Variants in CRACDL observed in about 807,000 individuals in gnomAD.
CRACDL encodes the protein CRACD like, also known as CRACD-like protein.
CRACDL carries 26 observed loss-of-function variants against 70.6 expected under a neutral mutation model. The observed-to-expected ratio is 0.37, with a 90% CI of 0.27 to 0.51. The LOEUF (loss-of-function observed/expected upper bound fraction) is 0.51, where lower values mean the gene tolerates loss of function less well. CRACDL is among the 20% of genes least tolerant of loss of function. The probability of loss-of-function intolerance (pLI) is 0.94; values close to 1 mark genes in which losing one functional copy is unlikely to be tolerated. For synonymous variants in CRACDL, 618 were observed against 615.2 expected, an observed-to-expected ratio of 1.00 and a Z score of -0.07; for missense variants, 1,283 against 1,376.9, an observed-to-expected ratio of 0.93 and a Z score of 1.08.
At position 98,794,387 on chromosome 2, in the gene CRACDL, G is replaced by A. The variant is rs528209887; in HGVS notation, c.*145C>T. The A allele has an allele frequency of 1.4e-6, 1 of 724,518 alleles. No individual in the cohort carries two copies. The highest frequency in any genetic ancestry group is 1.7e-5 in the African/African-American group (1 of 57,282). The allele number at this position is 724,518 out of a possible 1,614,324, so 44.9% of individuals were successfully genotyped here. A position where few individuals can be genotyped will look rare whatever the true frequency, so the allele number is the denominator to read the frequency against. On this transcript the variant is annotated 3_prime_UTR_variant, in exon 10 of 10. Coordinates refer to ENST00000397899, the MANE Select transcript of CRACDL (RefSeq NM_207362.3). ...GTGTTTATCCTCTTTGTTTTGCCTG[G>A]TTCCTTCCTCTTCCCCAAGTTCGTC...
At chr2:98,837,152 T>C (rs1705826285) in intron 3 of CRACDL, among the ~76,000 whole-genome samples, 1 of 149,466 alleles carries the variant, frequency 6.7e-6, no homozygotes, top group Non-Finnish European at 1.5e-5. Flanking sequence ...TGTGAGTCTA[T>C]TACATTCCCT....
At chr2:98,905,605 A>G (rs1359418687) in intron 1 of CRACDL, among the ~76,000 whole-genome samples, 1 of 150,072 alleles carries the variant, frequency 6.7e-6, no homozygotes, top group Non-Finnish European at 1.5e-5. Flanking sequence ...TAAAAGATTT[A>G]GTCTAAGACT....
In CRACDL at chr2:98,823,139, T is replaced by A. The variant is rs551912252; in HGVS notation, c.1134A>T (p.Ala378=). ...TGTCCGTGGCCGGGGCACACGGGCC[T>A]GCGGGGGGCGCCTCCCCATCCTGCT... is the stretch of plus-strand genomic sequence containing the variant. ...GGKQDGEAPP[A]GPCAPATDKA... Residue 378 remains alanine (A), a synonymous_variant, in exon 7 of 10, where the codon GCA becomes GCT. Transcript: ENST00000397899. The surrounding 1 kb of genome is among the most constrained non-coding windows in gnomAD (Gnocchi z 4.0). 6.4e-7 allele frequency: 1 copy of A among 1,561,710 alleles called. No individual in the cohort carries two copies. The highest frequency in any genetic ancestry group is 1.2e-5 in the South Asian group (1 of 85,366).
At chr2:98,885,024 C>A (rs969480854) in intron 1 of CRACDL, among the ~76,000 whole-genome samples, 2 of 152,160 alleles carry the variant, frequency 1.3e-5, no homozygotes, top group Admixed American at 6.6e-5. Flanking sequence ...TCAGCTTCAG[C>A]TCAAAAGGAA....
At chr2:98,805,386 G>A (rs1036228637) in intron 7 of CRACDL, among the ~76,000 whole-genome samples, 2 of 152,182 alleles carry the variant, frequency 1.3e-5, no homozygotes, top group African/African-American at 4.8e-5. Flanking sequence ...AATGAGGCAA[G>A]TTTGCACCCA....
At position 98,794,653 on chromosome 2, in the gene CRACDL, A is replaced by G. The variant is rs768474074; in HGVS notation, c.2768T>C (p.Met923Thr). ...HQNLAQSAVM[M>T]EKELHQLKRA... ...CTTCAGCTGATGCAGTTCCTTCTCCATCATCACTGCAGACTGAGCTGCTTG... is the reference window on the plus strand; with the variant it reads ...CTTCAGCTGATGCAGTTCCTTCTCCGTCATCACTGCAGACTGAGCTGCTTG... Residue 923 changes from methionine to threonine, a missense_variant, in exon 10 of 10, where the codon ATG (methionine) becomes ACG (threonine). Met to Thr is a moderately conservative substitution (Grantham distance 81). Transcript: ENST00000397899. 3.1e-6 allele frequency: 5 copies of G among 1,613,580 alleles called. No individual in the cohort carries two copies. Among genetic ancestry groups the G allele is most frequent in the Non-Finnish European group, 4.2e-6 (5 of 1,179,686 alleles).
chr2:98,821,041 G>A (rs1705005844), intron 7 of CRACDL, among the ~76,000 whole-genome samples: 1 of 152,206 alleles, frequency 6.6e-6, no homozygotes, highest in Non-Finnish European at 1.5e-5. Flanking sequence ...GGTCAAAAGT[G>A]GGAGAAGAAT....
intron 5 of CRACDL, among the ~76,000 whole-genome samples, chr2:98,831,016 C>T (rs571607001): frequency 8.5e-5 from 13 of 152,236 alleles, no homozygotes; most frequent in Non-Finnish European, 1.3e-4. Context: ...GAGAGGGGGA[C>T]GCTGAAACTG....
rs1363008117 is a variant in CRACDL at position 98,890,733 on chromosome 2, T to C, written c.-10-43923A>G. The stretch of plus-strand genomic sequence containing the variant: ...CTGAAATGCTGCAATGAGCATTTCA[T>C]TTGAGCCACATGTCGATGCCCAAAG... On this transcript the variant is annotated intron_variant, in intron 1 of 9. Transcript: ENST00000397899. Among the ~76,000 whole-genome samples, 4 of 152,334 alleles carry C rather than the reference T, an allele frequency of 2.6e-5. No individual in the cohort carries two copies. The East Asian group carries it at 7.7e-4, about 29-fold the overall frequency.
chr2:98,804,020 C>T (rs1267816763), intron 7 of CRACDL, among the ~76,000 whole-genome samples: 1 of 152,168 alleles, frequency 6.6e-6, no homozygotes, highest in Non-Finnish European at 1.5e-5. Context: ...TTTTAAAAGC[C>T]ATTTATTGAT....
chr2:98,795,077 A>ATATATATT, intron 9 of CRACDL, among the ~76,000 whole-genome samples: 10 of 58,488 alleles, frequency 1.7e-4, no homozygotes, highest in African/African-American at 6.0e-4. Context: ...ATATATATAT[A>ATATATATT]TTTTTTTTTT....
chr2:98,832,601 T>C, intron 4 of CRACDL, 89 bp from the exon 5 acceptor site: 1 of 1,273,096 alleles, frequency 7.9e-7, no homozygotes, highest in South Asian at 1.4e-5. Context: ...ATGCTGGAAA[T>C]GCCTTCAGTA....
At chr2:98,802,602 G>C (rs1462998409) in intron 7 of CRACDL, among the ~76,000 whole-genome samples, 1 of 152,260 alleles carries the variant, frequency 6.6e-6, no homozygotes, top group Non-Finnish European at 1.5e-5. Context: ...TTGACTTTCT[G>C]ATAGGTGATG....
At chr2:98,816,818 AG>A (rs772505750) in intron 7 of CRACDL, among the ~76,000 whole-genome samples, 2 of 152,204 alleles carry the variant, frequency 1.3e-5, no homozygotes, top group South Asian at 2.1e-4. Context: ...ATGTGAGCAA[AG>A]TTGGTTTTCT....
intron 1 of CRACDL, among the ~76,000 whole-genome samples, chr2:98,890,762 T>C (rs192609149): frequency 6.6e-6 from 1 of 152,300 alleles, no homozygotes; most frequent in Non-Finnish European, 1.5e-5. Context: ...CCCAAAGCAT[T>C]TGAAACTTTG....
intron 8 of CRACDL, 114 bp downstream of exon 8, chr2:98,797,236 T>C (rs1370214764): frequency 1.1e-6 from 1 of 944,370 alleles, no homozygotes; most frequent in Non-Finnish European, 1.6e-6. Flanking sequence ...CCATCACAGG[T>C]GACGGTCCCT....
At chr2:98,915,832 A>G (rs1218661388) in intron 1 of CRACDL, among the ~76,000 whole-genome samples, 1 of 152,118 alleles carries the variant, frequency 6.6e-6, no homozygotes, top group Non-Finnish European at 1.5e-5. Flanking sequence ...TCCGCTGACC[A>G]CCACTAAACC....
In CRACDL at chr2:98,910,521, A is replaced by AAAT. The variant is rs1708521593; in HGVS notation, c.-11+25416_-11+25417insATT. ...GGGCAACACAGCAAGACTCTGTCTC[A>AAAT]AAATAAATAAATAAATAAATAAATA... On this transcript the variant is annotated intron_variant, in intron 1 of 9. Transcript: ENST00000397899. 4.3e-5 allele frequency among the ~76,000 whole-genome samples: 6 copies of AAAT among 140,822 alleles called. No individual in the cohort carries two copies. The East Asian group carries it at 8.4e-4, about 20-fold the overall frequency. The allele number at this position is 140,822 out of a possible 152,430, so 92.4% of individuals were successfully genotyped here.
At chr2:98,856,548 G>A (rs1448770330) in intron 1 of CRACDL, among the ~76,000 whole-genome samples, 1 of 152,158 alleles carries the variant, frequency 6.6e-6, no homozygotes, top group Non-Finnish European at 1.5e-5. Context: ...TAATTTTGTA[G>A]GGAATTATAA....
Sources: allele counts gnomAD v4.1 joint callset (sites outside exome capture counted in the v4.1 genomes callset), GRCh38; gene constraint gnomAD v4.1.1; non-coding constraint Gnocchi (gnomAD v3.1); transcripts MANE v1.5; gene names NCBI Gene and HGNC (gene_info 2026-07-23, HGNC 2026-07-21).